Variants in MYT1L observed in about 807,000 individuals in gnomAD.
The protein encoded by MYT1L is myelin transcription factor 1 like, also known as myelin transcription factor 1-like protein.
MYT1L carries 12 observed loss-of-function variants against 126.7 expected under a neutral mutation model. The observed-to-expected ratio is 0.09, with a 90% CI of 0.06 to 0.15. The LOEUF (loss-of-function observed/expected upper bound fraction) is 0.15. Among genes scored for constraint, MYT1L ranks in the 10% least tolerant of loss-of-function variants. MYT1L has a pLI of 1.00. For synonymous variants in MYT1L, 541 were observed against 604.2 expected (o/e 0.90, Z 1.53); for missense variants, 979 against 1,585.2 (o/e 0.62, Z 6.49).
At chr2:1,949,161 G>A (rs952961519) in intron 8 of MYT1L, among the ~76,000 whole-genome samples, 19 of 152,124 alleles carry the variant, frequency 1.2e-4, no homozygotes, top group African/African-American at 4.6e-4. Context: ...AGCTAGCAGT[G>A]GCCACATCTC....
At chr2:2,050,214 G>T (rs1289500735) in intron 4 of MYT1L, among the ~76,000 whole-genome samples, 1 of 152,078 alleles carries the variant, frequency 6.6e-6, no homozygotes, top group Non-Finnish European at 1.5e-5. Flanking sequence ...ACAAGTGATC[G>T]CTGGCAGTTT....
intron 3 of MYT1L, among the ~76,000 whole-genome samples, chr2:2,148,912 T>G (rs777221515): frequency 1.3e-5 from 2 of 152,158 alleles, no homozygotes; most frequent in Non-Finnish European, 2.9e-5. Context: ...GTCCTTCTTG[T>G]GAACTCACAG....
rs2082397583 is a variant in MYT1L at position 2,131,874 on chromosome 2, T to C, written c.-304+40998A>G. On this transcript the variant is annotated intron_variant, in intron 3 of 24. Transcript: ENST00000647738. Reference sequence around the variant, plus strand: ...TCTGCAGGAGGTACATGGTCTCTAATTCTGGAAGGGGACATGCAAGAGAGT... The same window carrying C: ...TCTGCAGGAGGTACATGGTCTCTAACTCTGGAAGGGGACATGCAAGAGAGT... Among the ~76,000 whole-genome samples, 3 of 151,628 alleles carry C rather than the reference T, an allele frequency of 2.0e-5. No individual in the cohort carries two copies. In the South Asian group the frequency reaches 6.3e-4, roughly 32 times the overall value.
chr2:2,166,912 A>G (rs2089231492), intron 3 of MYT1L, among the ~76,000 whole-genome samples: 2 of 152,210 alleles, frequency 1.3e-5, no homozygotes, highest in African/African-American at 4.8e-5. Flanking sequence ...TTTCTTTAAC[A>G]AAATGTTCTT....
chr2:2,311,714 G>T (rs2095974342), intron 1 of MYT1L, among the ~76,000 whole-genome samples: 1 of 152,100 alleles, frequency 6.6e-6, no homozygotes, highest in Admixed American at 6.6e-5. Flanking sequence ...AGGGGAGCAG[G>T]AACAAATAAG....
intron 3 of MYT1L, among the ~76,000 whole-genome samples, chr2:2,162,138 A>T (rs1171940457): frequency 1.3e-5 from 2 of 151,912 alleles, no homozygotes; most frequent in Non-Finnish European, 2.9e-5. Context: ...CAGCAAGCTC[A>T]CCAGAGTCCT....
intron 19 of MYT1L, among the ~76,000 whole-genome samples, chr2:1,843,099 C>G (rs2042030641): frequency 6.6e-6 from 1 of 152,242 alleles, no homozygotes; most frequent in Non-Finnish European, 1.5e-5. Context: ...TCGCTGGGCT[C>G]TCCCTGCAAC....
chr2:2,291,814 C>T (rs2095604351), intron 1 of MYT1L, among the ~76,000 whole-genome samples: 1 of 152,210 alleles, frequency 6.6e-6, no homozygotes, highest in Non-Finnish European at 1.5e-5. Flanking sequence ...CCCACATGAC[C>T]GGGTCTGAAA....
chr2:1,826,256 G>T (rs1406395687), intron 21 of MYT1L, among the ~76,000 whole-genome samples: 2 of 152,260 alleles, frequency 1.3e-5, no homozygotes, highest in Non-Finnish European at 2.9e-5. Context: ...GACCGGCACG[G>T]TGCTCGGGCA....
chr2:2,133,407 T>C (rs1365239643), intron 3 of MYT1L, among the ~76,000 whole-genome samples: 1 of 152,164 alleles, frequency 6.6e-6, no homozygotes, highest in African/African-American at 2.4e-5. Context: ...CTCCCCCTCA[T>C]GCTTCTCAAG....
chr2:2,088,169 G>C (rs551088057), intron 3 of MYT1L, among the ~76,000 whole-genome samples: 1 of 152,226 alleles, frequency 6.6e-6, no homozygotes, highest in Admixed American at 6.5e-5. Flanking sequence ...CTGACCACAG[G>C]GGAAAGGCCG....
chr2:1,979,659 C>T lies in MYT1L; in HGVS notation c.55+64G>A, dbSNP rs1341944616. 1.9e-6 allele frequency: 3 copies of T among 1,608,708 alleles called. No homozygotes were observed. Among genetic ancestry groups the T allele is most frequent in the Non-Finnish European group, 2.6e-6 (3 of 1,175,348 alleles). On this transcript the variant is annotated intron_variant, in intron 6 of 24. Coordinates refer to ENST00000647738, the MANE Select transcript of MYT1L (RefSeq NM_001303052.2). The surrounding 1 kb of genome is among the most constrained non-coding windows in gnomAD (Gnocchi z 4.0). ...GCATGAAAGTGGGGTCAGAATCGACCTCAGTTCCGCAGGATGAAGGTGACC... is the reference window on the plus strand; with the variant it reads ...GCATGAAAGTGGGGTCAGAATCGACTTCAGTTCCGCAGGATGAAGGTGACC...
intron 4 of MYT1L, among the ~76,000 whole-genome samples, chr2:2,046,192 T>G (rs2068161509): frequency 1.3e-5 from 2 of 152,374 alleles, no homozygotes; most frequent in Middle Eastern, 3.4e-3. Context: ...CAACCTGTCC[T>G]GTGGTCTTCC....
At chr2:1,871,346 C>T (rs1016925237) in intron 18 of MYT1L, among the ~76,000 whole-genome samples, 1 of 152,224 alleles carries the variant, frequency 6.6e-6, no homozygotes, top group African/African-American at 2.4e-5. Context: ...TGGAAGCCGC[C>T]GCTGCTGGAG....
At position 2,198,292 on chromosome 2, in the gene MYT1L, T is replaced by C. The variant is rs900144804; in HGVS notation, c.-420-25304A>G. Among the ~76,000 whole-genome samples the C allele has an allele frequency of 8.5e-5, 13 of 152,200 alleles. No individual in the cohort carries two copies. In the East Asian group the frequency reaches 2.5e-3, roughly 30 times the overall value. ...GCAGGGGTATGGGCCCCAGGAGTGG[T>C]TGGCCAACCAGTACCAAGTTACAGT... On this transcript the variant is annotated intron_variant, in intron 2 of 24. Transcript: ENST00000647738.
At chr2:2,064,069 G>A (rs1190472218) in intron 3 of MYT1L, among the ~76,000 whole-genome samples, 3 of 152,184 alleles carry the variant, frequency 2.0e-5, no homozygotes, top group East Asian at 1.9e-4. Flanking sequence ...AGACACACAG[G>A]TCAGTTTGTA....
chr2:2,280,586 G>T (rs2095433535), intron 2 of MYT1L, among the ~76,000 whole-genome samples: 1 of 152,184 alleles, frequency 6.6e-6, no homozygotes, highest in African/African-American at 2.4e-5. Context: ...TGAGAATGGG[G>T]ATGATAATGT....
At chr2:2,124,800 T>C (rs560250326) in intron 3 of MYT1L, among the ~76,000 whole-genome samples, 28 of 152,268 alleles carry the variant, frequency 1.8e-4, no homozygotes, top group African/African-American at 6.5e-4. Context: ...GTTTGAAGTA[T>C]GGCCAGACAC....
At chr2:2,084,776 A>T (rs1432999564) in intron 3 of MYT1L, among the ~76,000 whole-genome samples, 1 of 152,234 alleles carries the variant, frequency 6.6e-6, no homozygotes, top group African/African-American at 2.4e-5. Context: ...AAGTACTGGT[A>T]TAATTTGTTA....
Sources: gnomAD v4.1 joint callset for allele counts (sites outside exome capture counted in the v4.1 genomes callset) on GRCh38, gnomAD v4.1.1 for gene constraint, Gnocchi (gnomAD v3.1) non-coding constraint, MANE v1.5 for transcripts, NCBI Gene and HGNC (gene_info 2026-07-23, HGNC 2026-07-21) for gene names.